KLK15: variants seen among roughly 807,000 people sequenced by gnomAD.
KLK15 encodes kallikrein-15.
Under a neutral mutation model 21.1 loss-of-function variants are expected in KLK15, and 19 were observed. That is an observed-to-expected ratio of 0.90 (90% CI 0.63 to 1.32). KLK15 has a LOEUF of 1.32. KLK15 is among the 40% of genes most tolerant of loss of function. KLK15 has a pLI of 0.00. For missense variants in KLK15, 345 were observed against 348.6 expected (o/e 0.99, Z 0.08); for synonymous variants, 141 against 141.5 (o/e 1.00, Z 0.03).
exon 3 of KLK15, chr19:50,827,105 T>C (rs1255661543): frequency 6.2e-7 from 1 of 1,604,898 alleles, no homozygotes; most frequent in Admixed American, 1.7e-5. Flanking sequence ...GGTCCGTAGT[T>C]GCTCTGGGCC....
intron 1 of KLK15, among the ~76,000 whole-genome samples, chr19:50,830,060 G>T (rs1252085957): frequency 6.6e-6 from 1 of 151,508 alleles, no homozygotes; most frequent in African/African-American, 2.4e-5. Context: ...AGCCAGATCT[G>T]TGGAGTCACT....
At chr19:50,826,914 T>C (rs751796245) in exon 3 of KLK15, 1 of 1,579,658 alleles carries the variant, frequency 6.3e-7, no homozygotes, top group East Asian at 2.2e-5. Context: ...CCAGGCTCGT[T>C]GTGGGACACC....
At chr19:50,828,030 G>A (rs2089915896) in intron 1 of KLK15, among the ~76,000 whole-genome samples, 1 of 151,472 alleles carries the variant, frequency 6.6e-6, no homozygotes, top group Admixed American at 6.6e-5. Context: ...TCAGCTCACT[G>A]CAACTTCCGC....
Position 50,825,841 on chromosome 19 carries a change from G to GACTTTGGT in KLK15, c.718_725dup (p.Cys243ProfsTer14). 3.7e-6 allele frequency: 6 copies of GACTTTGGT among 1,614,036 alleles called. No individual in the cohort carries two copies. The highest frequency in any genetic ancestry group is 5.1e-6 in the Non-Finnish European group (6 of 1,179,932). ...CCCTGATCCACTCCAAGTAGTGGCA[G>GACTTTGGT]ACTTTGGTATAGACACCAGGCTTGG... On this transcript the variant is annotated frameshift_variant, in exon 5 of 5. Transcript: ENST00000598239. LOFTEE classifies it high-confidence loss of function.
exon 2 of KLK15, chr19:50,827,694 G>C (rs575803983): frequency 6.2e-7 from 1 of 1,611,280 alleles, no homozygotes; most frequent in African/African-American, 1.3e-5. Flanking sequence ...ACAGCACCCA[G>C]TGTGGGGAGA....
At chr19:50,831,241 G>A (rs566180393) in intron 1 of KLK15, 6 of 409,240 alleles carry the variant, frequency 1.5e-5, no homozygotes, top group South Asian at 1.5e-4. Context: ...CGTGGGCAGC[G>A]AGAGGCCCCA....
rs1028944523 is a variant in KLK15 at position 50,828,309 on chromosome 19, G to T, written c.44-494C>A. ...CAGAACTCTAGCCCCCACCCCATTT[G>T]CTATAAGACTCTGGGAGAGAGAGGA... On this transcript the variant is annotated intron_variant, in intron 1 of 4. Coordinates refer to ENST00000598239, the Ensembl canonical transcript of KLK15. Among the ~76,000 whole-genome samples, 8 of 151,500 alleles carry T rather than the reference G, an allele frequency of 5.3e-5. 1 individual carries two copies. The highest frequency in any genetic ancestry group is 8.9e-5 in the Non-Finnish European group (6 of 67,730).
intron 1 of KLK15, among the ~76,000 whole-genome samples, chr19:50,829,563 G>A (rs1194169267): frequency 1.3e-5 from 2 of 151,770 alleles, no homozygotes; most frequent in African/African-American, 4.8e-5. Flanking sequence ...GGCCAAGGCC[G>A]AGGTGGGTGG....
rs78821100 is a variant in KLK15 at position 50,827,561 on chromosome 19, G to A, written c.197+101C>T. 667 of 1,275,218 alleles carry A rather than the reference G, an allele frequency of 5.2e-4. 6 individuals are homozygous for A. Among genetic ancestry groups the A allele is most frequent in the East Asian group, 3.4e-4 (14 of 41,044 alleles). The allele number at this position is 1,275,218 out of a possible 1,614,324, so 79.0% of individuals were successfully genotyped here. A position where few individuals can be genotyped will look rare whatever the true frequency, so the allele number is the denominator to read the frequency against. ...TGACATCCGGCCTCCTCGTCTTTCA[G>A]AACCCAGGAGTTCTGGCGTCTGCCT... On this transcript the variant is annotated intron_variant, in intron 2 of 4. Coordinates refer to ENST00000598239, the Ensembl canonical transcript of KLK15.
intron 2 of KLK15, 24 bp from the exon 4 acceptor site, chr19:50,827,185 G>C: frequency 2.6e-6 from 4 of 1,556,830 alleles, no homozygotes; most frequent in Non-Finnish European, 3.5e-6. Flanking sequence ...TGGTTTTCCC[G>C]CCAGTGGAGT....
At chr19:50,825,939 C>T (rs2089872238) in exon 5 of KLK15, 1 of 1,612,392 alleles carries the variant, frequency 6.2e-7, no homozygotes, top group Non-Finnish European at 8.5e-7. Flanking sequence ...AGGGGTCCCC[C>T]AGAGTCACCC....
intron 3 of KLK15, 28 bp downstream of exon 4, chr19:50,826,850 T>G: frequency 6.4e-7 from 1 of 1,555,378 alleles, no homozygotes; most frequent in South Asian, 1.2e-5. Flanking sequence ...CCTTGAGGCC[T>G]CGCATCCAGC....
chr19:50,827,892 A>G, intron 1 of KLK15, 77 bp from the exon 3 acceptor site: 4 of 1,390,300 alleles, frequency 2.9e-6, no homozygotes, highest in Non-Finnish European at 4.1e-6. Context: ...ACCCTGCCCT[A>G]ACTACTATAT....
upstream of KLK15, chr19:50,831,525 T>TG: frequency 6.9e-7 from 1 of 1,453,216 alleles, no homozygotes; most frequent in Non-Finnish European, 9.0e-7. Context: ...GGCTGCAGTC[T>TG]GGGGAGGGAG....
chr19:50,829,242 G>A (rs1241210173), intron 1 of KLK15, among the ~76,000 whole-genome samples: 1 of 151,528 alleles, frequency 6.6e-6, no homozygotes, highest in East Asian at 1.9e-4. Flanking sequence ...TAAGTTATTC[G>A]ACCTGTCTGT....
upstream of KLK15, among the ~76,000 whole-genome samples, chr19:50,831,874 C>T (rs1482458382): frequency 1.3e-5 from 2 of 151,558 alleles, no homozygotes; most frequent in Non-Finnish European, 2.9e-5. Context: ...TGCAGTGGCA[C>T]AATGTCGGCT....
intron 1 of KLK15, among the ~76,000 whole-genome samples, chr19:50,829,482 A>G (rs528369427): frequency 1.3e-5 from 2 of 151,848 alleles, no homozygotes; most frequent in South Asian, 2.1e-4. Flanking sequence ...ATCTGCACAG[A>G]ATTACCTATA....
At chr19:50,829,641 T>A (rs190255704) in intron 1 of KLK15, among the ~76,000 whole-genome samples, 2 of 151,352 alleles carry the variant, frequency 1.3e-5, no homozygotes, top group Admixed American at 1.3e-4. Flanking sequence ...TACTAAAAAA[T>A]AAATAAATAA....
At chr19:50,831,563 T>G (rs1599959217), upstream of KLK15, 2 of 1,267,960 alleles carry the variant, frequency 1.6e-6, no homozygotes, top group Non-Finnish European at 2.1e-6. Flanking sequence ...GGCAGGACCC[T>G]TCTGCCTCCA....
Sources: gnomAD v4.1 joint callset for allele counts (sites outside exome capture counted in the v4.1 genomes callset) on GRCh38, gnomAD v4.1.1 for gene constraint, MANE v1.5 for transcripts, NCBI Gene and HGNC (gene_info 2026-07-23, HGNC 2026-07-21) for gene names.